Variants in AUTS2 observed in about 807,000 individuals in gnomAD.
AUTS2 encodes activator of transcription and developmental regulator AUTS2.
A neutral mutation model predicts 112.4 loss-of-function variants in AUTS2; 17 were observed. The observed-to-expected ratio is 0.15, with a 90% CI of 0.10 to 0.23. The LOEUF is 0.23. Ranked by LOEUF, AUTS2 falls within the 10% of genes least tolerant of loss-of-function variation. The probability of loss-of-function intolerance (pLI) is 1.00; values close to 1 mark genes in which losing one functional copy is unlikely to be tolerated. For synonymous variants in AUTS2, 751 were observed against 702.7 expected (o/e 1.07, Z -1.09); for missense variants, 1,510 against 1,701.6 (o/e 0.89, Z 1.98).
chr7:69,739,891 G>A (rs939098229), intron 1 of AUTS2, among the ~76,000 whole-genome samples: 2 of 152,176 alleles, frequency 1.3e-5, no homozygotes, highest in East Asian at 1.9e-4. Flanking sequence ...GATTGAACCT[G>A]CTGTCTGGAG....
chr7:70,636,848 G>T (rs971710867), intron 5 of AUTS2, among the ~76,000 whole-genome samples: 21 of 151,964 alleles, frequency 1.4e-4, no homozygotes, highest in Admixed American at 4.6e-4. Context: ...TTGCTATGTT[G>T]CCCAGGCTAG....
intron 1 of AUTS2, among the ~76,000 whole-genome samples, chr7:69,759,062 C>G (rs1296532317): frequency 2.0e-5 from 3 of 152,068 alleles, no homozygotes; most frequent in Non-Finnish European, 4.4e-5. Flanking sequence ...ACCTGACAAC[C>G]CTACCAGATG....
At chr7:70,223,386 C>T (rs73171731) in intron 4 of AUTS2, among the ~76,000 whole-genome samples, 12,220 of 152,132 alleles carry the variant, frequency 0.08, 634 homozygotes, top group African/African-American at 0.13. Context: ...CAGAGTCCCA[C>T]GAGATTATAA....
intron 1 of AUTS2, among the ~76,000 whole-genome samples, chr7:69,742,657 G>A (rs562522554): frequency 2.6e-5 from 4 of 152,108 alleles, no homozygotes; most frequent in African/African-American, 7.2e-5. Context: ...TCTATCACTC[G>A]CTAGTTGTAT....
intron 5 of AUTS2, among the ~76,000 whole-genome samples, chr7:70,621,356 T>C (rs1175816157): frequency 2.0e-5 from 3 of 152,180 alleles, no homozygotes; most frequent in East Asian, 3.9e-4. Flanking sequence ...GTCCTAGTCA[T>C]TTGGTCGCTG....
At chr7:70,512,243 T>G (rs570913636) in intron 5 of AUTS2, among the ~76,000 whole-genome samples, 3 of 152,182 alleles carry the variant, frequency 2.0e-5, no homozygotes, top group Admixed American at 6.5e-5. Flanking sequence ...GGCGCACATA[T>G]CCATGTGATA....
At chr7:69,692,999 CTCA>C (rs1380515671) in intron 1 of AUTS2, among the ~76,000 whole-genome samples, 1 of 152,154 alleles carries the variant, frequency 6.6e-6, no homozygotes, top group East Asian at 1.9e-4. Flanking sequence ...AAAGATCTCT[CTCA>C]TGGCATTTTC....
At chr7:70,665,092 A>T (rs890194269) in intron 5 of AUTS2, among the ~76,000 whole-genome samples, 2 of 152,106 alleles carry the variant, frequency 1.3e-5, no homozygotes, top group African/African-American at 4.8e-5. Flanking sequence ...AGAAAAAAAA[A>T]TGCTTATATT....
intron 5 of AUTS2, among the ~76,000 whole-genome samples, chr7:70,571,812 T>C (rs1801954306): frequency 6.6e-6 from 1 of 152,178 alleles, no homozygotes; most frequent in African/African-American, 2.4e-5. Context: ...GGCAGTCACG[T>C]CTTTGCAGGG....
intron 4 of AUTS2, among the ~76,000 whole-genome samples, chr7:70,238,594 T>G (rs1812446357): frequency 6.6e-6 from 1 of 152,204 alleles, no homozygotes; most frequent in Admixed American, 6.5e-5. Flanking sequence ...TGAGCACCAC[T>G]GTATCATGCT....
At chr7:70,297,550 C>T (rs916898251) in intron 4 of AUTS2, among the ~76,000 whole-genome samples, 3 of 151,930 alleles carry the variant, frequency 2.0e-5, no homozygotes, top group Non-Finnish European at 2.9e-5. Flanking sequence ...CTGCCCCAGC[C>T]TCCCAAGTAG....
At chr7:70,071,769 G>C (rs982265492) in intron 2 of AUTS2, among the ~76,000 whole-genome samples, 1 of 152,142 alleles carries the variant, frequency 6.6e-6, no homozygotes, top group South Asian at 2.1e-4. Flanking sequence ...CAGATGGTTC[G>C]ATCTATGAGA....
At chr7:70,658,768 G>A (rs760194486) in intron 5 of AUTS2, among the ~76,000 whole-genome samples, 7 of 152,298 alleles carry the variant, frequency 4.6e-5, no homozygotes, top group South Asian at 4.1e-4. Context: ...GTAAGCCTGC[G>A]TATTTTCTTA....
chr7:69,660,242 G>C (rs1456891405), intron 1 of AUTS2, among the ~76,000 whole-genome samples: 1 of 152,210 alleles, frequency 6.6e-6, no homozygotes, highest in African/African-American at 2.4e-5. Context: ...CTCCCTTCCT[G>C]CTGTTTTCCT....
chr7:70,478,977 A>G (rs2116121950), intron 5 of AUTS2, among the ~76,000 whole-genome samples: 1 of 152,234 alleles, frequency 6.6e-6, no homozygotes, highest in Middle Eastern at 3.4e-3. Context: ...TAAATACTTG[A>G]TTAATATTTA....
intron 5 of AUTS2, among the ~76,000 whole-genome samples, chr7:70,678,179 A>C (rs1354356042): frequency 1.3e-5 from 2 of 152,166 alleles, no homozygotes; most frequent in Non-Finnish European, 2.9e-5. Context: ...AAGTTTCCTA[A>C]GGGCAGATAA....
chr7:70,197,652 A>G (rs1584867636), intron 4 of AUTS2, among the ~76,000 whole-genome samples: 1 of 32,764 alleles, frequency 3.1e-5, no homozygotes, highest in Non-Finnish European at 6.4e-5. Flanking sequence ...GAAACGGCGC[A>G]CCACGAGACT....
intron 9 of AUTS2, among the ~76,000 whole-genome samples, chr7:70,767,451 C>G (rs1790013874): frequency 6.6e-6 from 1 of 152,128 alleles, no homozygotes; most frequent in South Asian, 2.1e-4. Context: ...TTCTGCTGGC[C>G]TGTGTGAGCT....
At chr7:70,312,597 A>G (rs1037428912) in intron 4 of AUTS2, among the ~76,000 whole-genome samples, 1 of 152,210 alleles carries the variant, frequency 6.6e-6, no homozygotes, top group African/African-American at 2.4e-5. Context: ...CCTCACAATT[A>G]AAATAAATCA....
Sources: gnomAD v4.1 joint callset for allele counts (sites outside exome capture counted in the v4.1 genomes callset) on GRCh38, gnomAD v4.1.1 for gene constraint, MANE v1.5 for transcripts, NCBI Gene and HGNC (gene_info 2026-07-23, HGNC 2026-07-21) for gene names.